Variants in HNF4G observed in about 807,000 individuals in gnomAD.
The protein encoded by HNF4G is hepatocyte nuclear factor 4-gamma.
HNF4G carries 21 observed loss-of-function variants against 50.9 expected under a neutral mutation model. The observed-to-expected ratio is 0.41, with a 90% CI of 0.29 to 0.59. The LOEUF is 0.59. Ranked by LOEUF, HNF4G falls within the 20% of genes least tolerant of loss-of-function variation. The pLI is 0.26. For synonymous variants in HNF4G, 198 were observed against 185.6 expected, an observed-to-expected ratio of 1.07 and a Z score of -0.54; for missense variants, 527 against 559.4, an observed-to-expected ratio of 0.94 and a Z score of 0.58.
intron 2 of HNF4G, among the ~76,000 whole-genome samples, chr8:75,534,200 C>A (rs1242232747): frequency 6.6e-6 from 1 of 151,872 alleles, no homozygotes; most frequent in African/African-American, 2.4e-5. Context: ...AATGATAATA[C>A]CCATTGTAAA....
chr8:75,424,255 ATCT>A (rs1810842388), intron 1 of HNF4G, among the ~76,000 whole-genome samples: 1 of 152,168 alleles, frequency 6.6e-6, no homozygotes, highest in Non-Finnish European at 1.5e-5. Flanking sequence ...ATTTAGCATT[ATCT>A]TCTTAATATC....
chr8:75,416,342 T>C (rs954770128), intron 1 of HNF4G, among the ~76,000 whole-genome samples: 10 of 152,314 alleles, frequency 6.6e-5, no homozygotes, highest in African/African-American at 2.4e-4. Flanking sequence ...AATTACCTGC[T>C]GAATAGACTC....
At chr8:75,492,058 T>C (rs991315774) in intron 2 of HNF4G, among the ~76,000 whole-genome samples, 1 of 152,250 alleles carries the variant, frequency 6.6e-6, no homozygotes, top group Non-Finnish European at 1.5e-5. Flanking sequence ...CAGCACATAT[T>C]GCTATGACTT....
chr8:75,526,537 T>C (rs1241879285), intron 2 of HNF4G, among the ~76,000 whole-genome samples: 1 of 151,734 alleles, frequency 6.6e-6, no homozygotes, highest in East Asian at 1.9e-4. Flanking sequence ...CCTTTCTTCT[T>C]CTTCTTCTTT....
chr8:75,483,243 T>G (rs1812421045), intron 1 of HNF4G, among the ~76,000 whole-genome samples: 1 of 136,842 alleles, frequency 7.3e-6, no homozygotes, highest in East Asian at 2.1e-4. Flanking sequence ...TTATTTCAAA[T>G]AAGTCACTTA....
At chr8:75,554,197 G>T (rs1807050247) in intron 5 of HNF4G, among the ~76,000 whole-genome samples, 1 of 152,050 alleles carries the variant, frequency 6.6e-6, no homozygotes, top group Non-Finnish European at 1.5e-5. Flanking sequence ...GGCTCAGAAG[G>T]TTATGCCAGT....
intron 1 of HNF4G, among the ~76,000 whole-genome samples, chr8:75,423,828 T>C (rs1008017563): frequency 1.6e-5 from 2 of 123,640 alleles, no homozygotes; most frequent in African/African-American, 6.4e-5. Context: ...TTTTTTTTTT[T>C]TTTTTTTTTT....
chr8:75,543,792 C>G lies in HNF4G; in HGVS notation c.119-19C>G, dbSNP rs756936415. ...AAATAGTACTAACTCTAACTGTAAT[C>G]TTCCTTTTTTATTGACAGATAGTTC... On this transcript the variant is annotated intron_variant, in intron 1 of 9. Coordinates refer to ENST00000396423, the MANE Select transcript of HNF4G (RefSeq NM_004133.5). 13 of 1,599,212 alleles carry G rather than the reference C, an allele frequency of 8.1e-6. No individual in the cohort carries two copies. Among genetic ancestry groups the G allele is most frequent in the Non-Finnish European group, 1.1e-5 (13 of 1,171,256 alleles).
intron 2 of HNF4G, among the ~76,000 whole-genome samples, chr8:75,510,586 C>G (rs180942508): frequency 2.0e-5 from 3 of 152,178 alleles, no homozygotes; most frequent in Admixed American, 2.0e-4. Flanking sequence ...TTTAGATACA[C>G]AAAAGGTTAC....
At chr8:75,523,305 C>A (rs767269076) in intron 2 of HNF4G, among the ~76,000 whole-genome samples, 6 of 152,148 alleles carry the variant, frequency 3.9e-5, no homozygotes, top group Non-Finnish European at 5.9e-5. Context: ...GTTCTCAAAT[C>A]CACAGAATAA....
intron 2 of HNF4G, among the ~76,000 whole-genome samples, chr8:75,497,312 G>T (rs1228974081): frequency 6.6e-6 from 1 of 152,138 alleles, no homozygotes; most frequent in Non-Finnish European, 1.5e-5. Flanking sequence ...GAGACCAGGA[G>T]AGGGCTAGGT....
chr8:75,550,157 G>A (rs1806905555), intron 3 of HNF4G, among the ~76,000 whole-genome samples: 1 of 152,070 alleles, frequency 6.6e-6, no homozygotes, highest in Non-Finnish European at 1.5e-5. Context: ...ATATTTTAAT[G>A]CCTTGTTGCT....
intron 2 of HNF4G, among the ~76,000 whole-genome samples, chr8:75,493,027 A>G (rs1440371441): frequency 6.6e-6 from 1 of 151,990 alleles, no homozygotes; most frequent in Non-Finnish European, 1.5e-5. Flanking sequence ...ATATATATAT[A>G]TATATATACA....
chr8:75,424,029 G>T (rs1419477323), intron 1 of HNF4G, among the ~76,000 whole-genome samples: 3 of 151,108 alleles, frequency 2.0e-5, no homozygotes, highest in Non-Finnish European at 2.9e-5. Context: ...CACCACGTTG[G>T]CCAGGATGGT....
intron 1 of HNF4G, among the ~76,000 whole-genome samples, chr8:75,466,065 T>C (rs766083517): frequency 5.9e-5 from 9 of 152,188 alleles, no homozygotes; most frequent in Admixed American, 5.2e-4. Context: ...ACTATCATTT[T>C]TAATATCTGT....
intron 1 of HNF4G, among the ~76,000 whole-genome samples, chr8:75,451,878 G>T: frequency 6.6e-6 from 1 of 152,170 alleles, no homozygotes; most frequent in Admixed American, 6.5e-5. Context: ...GTTCTGTTAG[G>T]TTGGAGCCTA....
upstream of HNF4G, among the ~76,000 whole-genome samples, chr8:75,535,799 C>A (rs1806448965): frequency 6.6e-6 from 1 of 151,708 alleles, no homozygotes; most frequent in Non-Finnish European, 1.5e-5. Flanking sequence ...ATGATTAAAT[C>A]AAATATAAAG....
chr8:75,522,937 A>G (rs1177913057), intron 2 of HNF4G, among the ~76,000 whole-genome samples: 1 of 152,100 alleles, frequency 6.6e-6, no homozygotes, highest in Non-Finnish European at 1.5e-5. Context: ...CAGAAAGACC[A>G]TTTTTGAGGC....
At chr8:75,483,269 T>C (rs1812422302) in intron 1 of HNF4G, among the ~76,000 whole-genome samples, 1 of 152,210 alleles carries the variant, frequency 6.6e-6, no homozygotes. Flanking sequence ...TTTTTTAAAT[T>C]TTATCTTAAT....
Sources: allele counts gnomAD v4.1 joint callset (sites outside exome capture counted in the v4.1 genomes callset), GRCh38; gene constraint gnomAD v4.1.1; transcripts MANE v1.5; gene names NCBI Gene and HGNC (gene_info 2026-07-23, HGNC 2026-07-21).